Variants in LRP1B observed in about 807,000 individuals in gnomAD.
The protein encoded by LRP1B is low-density lipoprotein receptor-related protein 1B.
LRP1B carries 217 observed loss-of-function variants against 556.6 expected under a neutral mutation model. The observed-to-expected ratio is 0.39, with a 90% CI of 0.35 to 0.44. The LOEUF (loss-of-function observed/expected upper bound fraction) is 0.44, where lower values mean the gene tolerates loss of function less well. LRP1B is among the 20% of genes least tolerant of loss of function. LRP1B has a pLI of 1.00. For synonymous variants in LRP1B, 2,047 were observed against 1,865.8 expected (o/e 1.10, Z -2.50); for missense variants, 5,053 against 5,620.8 (o/e 0.90, Z 3.23).
At chr2:141,843,454 T>G (rs527960663) in intron 1 of LRP1B, among the ~76,000 whole-genome samples, 1 of 152,304 alleles carries the variant, frequency 6.6e-6, no homozygotes, top group African/African-American at 2.4e-5. Flanking sequence ...TTCTACATTT[T>G]AATTAAATGC....
chr2:141,384,467 T>C (rs1689757758), intron 3 of LRP1B, among the ~76,000 whole-genome samples: 1 of 152,110 alleles, frequency 6.6e-6, no homozygotes, highest in Admixed American at 6.5e-5. Flanking sequence ...TGTATTGAGA[T>C]ATAATTTTTT....
At chr2:140,781,387 C>T (rs1689692555) in intron 32 of LRP1B, among the ~76,000 whole-genome samples, 1 of 152,284 alleles carries the variant, frequency 6.6e-6, no homozygotes, top group Non-Finnish European at 1.5e-5. Context: ...TTTAAATTCT[C>T]TTATCAGATT....
At chr2:141,015,945 A>C (rs921333774) in intron 12 of LRP1B, 30 bp from the exon 13 acceptor site, 1 of 1,527,432 alleles carries the variant, frequency 6.5e-7, no homozygotes, top group South Asian at 1.1e-5. Context: ...ACAAAAATGC[A>C]TACATGTTAT....
At chr2:141,781,747 A>G (rs1196421367) in intron 2 of LRP1B, among the ~76,000 whole-genome samples, 1 of 152,180 alleles carries the variant, frequency 6.6e-6, no homozygotes, top group Admixed American at 6.6e-5. Flanking sequence ...GACATAGATA[A>G]AAGACATGTA....
At chr2:141,623,941 G>A (rs1688600591) in intron 2 of LRP1B, among the ~76,000 whole-genome samples, 1 of 145,968 alleles carries the variant, frequency 6.9e-6, no homozygotes, top group Non-Finnish European at 1.5e-5. Context: ...CTTGAACCCA[G>A]GAGGCAGAGG....
Position 141,544,331 on chromosome 2 carries a change from C to CTTCTTCTTCTTCTT in LRP1B, c.206-63812_206-63799dup, listed in dbSNP as rs1559131078. On this transcript the variant is annotated intron_variant, in intron 2 of 90. Transcript: ENST00000389484. Reference sequence around the variant, plus strand: ...TCTTCTTCTTCTTCTTCTTCTTCTTCTTCTTCTTCTTCTTCTTCTTCTTCT... The same window carrying CTTCTTCTTCTTCTT: ...TCTTCTTCTTCTTCTTCTTCTTCTTCTTCTTCTTCTTCTTTTCTTCTTCTTCTTCTTCTTCTTCT... Among the ~76,000 whole-genome samples the CTTCTTCTTCTTCTT allele has an allele frequency of 4.4e-3, 129 of 29,494 alleles. 5 individuals carry two copies. Among genetic ancestry groups the CTTCTTCTTCTTCTT allele is most frequent in the South Asian group, 0.017 (14 of 802 alleles). The allele number at this position is 29,494 out of a possible 152,430, so 19.3% of individuals were successfully genotyped here.
intron 3 of LRP1B, among the ~76,000 whole-genome samples, chr2:141,459,219 G>A (rs16846116): frequency 0.029 from 4,460 of 152,240 alleles, 127 homozygotes; most frequent in South Asian, 0.093. Context: ...TTAGGCTATA[G>A]AGGTATAAAT....
At chr2:141,404,355 A>C (rs758392305) in intron 3 of LRP1B, among the ~76,000 whole-genome samples, 4 of 152,156 alleles carry the variant, frequency 2.6e-5, no homozygotes. Flanking sequence ...TGCATACTTC[A>C]AGGTATTTTA....
At chr2:140,430,163 A>C (rs1230222859) in intron 66 of LRP1B, among the ~76,000 whole-genome samples, 1 of 152,138 alleles carries the variant, frequency 6.6e-6, no homozygotes, top group South Asian at 2.1e-4. Context: ...CACCAGCAAA[A>C]GCAGGCTATG....
At chr2:142,095,672 T>A in intron 1 of LRP1B, among the ~76,000 whole-genome samples, 1 of 151,716 alleles carries the variant, frequency 6.6e-6, no homozygotes, top group East Asian at 1.9e-4. Context: ...TTTTCCCTTT[T>A]TGAAGTAAGA....
At chr2:140,283,963 T>C (rs372871491) in intron 84 of LRP1B, among the ~76,000 whole-genome samples, 1 of 151,590 alleles carries the variant, frequency 6.6e-6, no homozygotes, top group South Asian at 2.1e-4. Flanking sequence ...GCTTATCAGA[T>C]GAGGCTAACT....
At chr2:141,556,470 C>T (rs79560600) in intron 2 of LRP1B, among the ~76,000 whole-genome samples, 1,638 of 151,990 alleles carry the variant, frequency 0.011, 14 homozygotes, top group Non-Finnish European at 0.016. Flanking sequence ...GGTACATTCA[C>T]CATCTGCATG....
chr2:141,893,479 G>C (rs1461603083), intron 1 of LRP1B, among the ~76,000 whole-genome samples: 1 of 134,810 alleles, frequency 7.4e-6, no homozygotes, highest in Non-Finnish European at 1.6e-5. Flanking sequence ...GGGATTACAA[G>C]CATGAGCCAC....
intron 35 of LRP1B, among the ~76,000 whole-genome samples, chr2:140,749,404 T>C (rs551555846): frequency 6.6e-6 from 1 of 152,232 alleles, no homozygotes; most frequent in African/African-American, 2.4e-5. Flanking sequence ...TGTAAGAATA[T>C]ACCTTAAAAG....
At chr2:141,014,366 A>C (rs1697842240) in intron 13 of LRP1B, among the ~76,000 whole-genome samples, 2 of 152,098 alleles carry the variant, frequency 1.3e-5, no homozygotes, top group Non-Finnish European at 2.9e-5. Flanking sequence ...TAATATATTC[A>C]TTTACATTCT....
intron 1 of LRP1B, among the ~76,000 whole-genome samples, chr2:141,862,299 T>C (rs375205554): frequency 3.3e-5 from 5 of 152,216 alleles, no homozygotes; most frequent in East Asian, 3.9e-4. Flanking sequence ...ATAGCTAATA[T>C]GCATTATTTA....
intron 2 of LRP1B, among the ~76,000 whole-genome samples, chr2:141,799,909 G>A (rs1172117247): frequency 1.3e-5 from 2 of 151,738 alleles, no homozygotes; most frequent in African/African-American, 2.4e-5. Context: ...CAAACTTCAT[G>A]TGCATATGTA....
chr2:142,044,553 T>C (rs927710099), intron 1 of LRP1B, among the ~76,000 whole-genome samples: 6 of 151,768 alleles, frequency 4.0e-5, no homozygotes, highest in African/African-American at 1.4e-4. Flanking sequence ...TATAAACACA[T>C]ACCTGCTGGC....
At chr2:140,310,491 C>T (rs1684252067) in intron 83 of LRP1B, among the ~76,000 whole-genome samples, 1 of 149,360 alleles carries the variant, frequency 6.7e-6, no homozygotes, top group African/African-American at 2.4e-5. Context: ...TACCTGACTT[C>T]AAATTATACC....
Sources: gnomAD v4.1 joint callset for allele counts (sites outside exome capture counted in the v4.1 genomes callset) on GRCh38, gnomAD v4.1.1 for gene constraint, MANE v1.5 for transcripts, NCBI Gene and HGNC (gene_info 2026-07-23, HGNC 2026-07-21) for gene names.